The following ANXA8 variants were observed in gnomAD, a reference collection of about 807,000 sequenced individuals.
The protein encoded by ANXA8 is annexin A8.
A neutral mutation model predicts 26.8 loss-of-function variants in ANXA8; 9 were observed. The observed-to-expected ratio is 0.34, with a 90% confidence interval of 0.20 to 0.59. The LOEUF (loss-of-function observed/expected upper bound fraction) is 0.59, where lower values mean the gene tolerates loss of function less well. Among genes scored for constraint, ANXA8 ranks in the 20% least tolerant of loss-of-function variants. The pLI, the probability that ANXA8 is intolerant of heterozygous loss-of-function variation, is 0.84. For missense variants in ANXA8, 83 were observed against 238.5 expected, an observed-to-expected ratio of 0.35 and a Z score of 4.29; for synonymous variants, 39 against 94.8, an observed-to-expected ratio of 0.41 and a Z score of 3.42.
the ANXA8 span, among the ~76,000 whole-genome samples, chr10:47,694,886 A>G: frequency 6.6e-6 from 1 of 151,324 alleles, no homozygotes; most frequent in African/African-American, 2.4e-5. Flanking sequence ...GAGGCTTAAC[A>G]TTGGGAAACC....
the ANXA8 span, among the ~76,000 whole-genome samples, chr10:47,743,283 C>CACATATATATATATACAT: frequency 3.7e-5 from 3 of 81,976 alleles, 1 homozygote; most frequent in African/African-American, 1.3e-4. Context: ...TATATACACA[C>CACATATATATATATACAT]ATATATATAT....
the ANXA8 span, among the ~76,000 whole-genome samples, chr10:47,594,244 C>G: frequency 1.3e-5 from 2 of 149,950 alleles, no homozygotes; most frequent in African/African-American, 2.5e-5. Context: ...TACTTCGGTA[C>G]CTATAGAGAA....
chr10:47,623,990 A>G, the ANXA8 span, among the ~76,000 whole-genome samples: 2 of 98,470 alleles, frequency 2.0e-5, 1 homozygote, highest in African/African-American at 8.1e-5. Flanking sequence ...TGATTCCAGC[A>G]CTTTGGGAGG....
chr10:47,961,548 AGG>A, the ANXA8 span, among the ~76,000 whole-genome samples: 2 of 55,872 alleles, frequency 3.6e-5, no homozygotes, highest in African/African-American at 1.9e-4. Context: ...TGGCATTTTC[AGG>A]GTGGCAGGAG....
the ANXA8 span, among the ~76,000 whole-genome samples, chr10:47,509,056 T>C: frequency 2.6e-3 from 351 of 135,540 alleles, 38 homozygotes; most frequent in African/African-American, 9.9e-3. Flanking sequence ...TTTCTCAAAC[T>C]TGCTGGTGGC....
chr10:47,644,213 T>C, the ANXA8 span, among the ~76,000 whole-genome samples: 1 of 147,776 alleles, frequency 6.8e-6, no homozygotes, highest in African/African-American at 2.6e-5. Context: ...CAGGATACTC[T>C]ACCTGGAGAA....
the ANXA8 span, among the ~76,000 whole-genome samples, chr10:47,535,858 C>T: frequency 8.0e-5 from 2 of 24,930 alleles, no homozygotes; most frequent in African/African-American, 2.1e-4. Context: ...CGTTGTGTTC[C>T]GTCACTGTTC....
the ANXA8 span, among the ~76,000 whole-genome samples, chr10:47,659,847 C>T: frequency 6.6e-6 from 1 of 151,546 alleles, no homozygotes. Context: ...ACCTCCGCCT[C>T]CCAGGCTCAG....
chr10:47,483,862 C>T (rs1320625106), intron 1 of ANXA8, 51 bp downstream of exon 1: 1 of 1,611,624 alleles, frequency 6.2e-7, no homozygotes, highest in East Asian at 2.2e-5. Flanking sequence ...CCCTGGTGAC[C>T]AGCACCCAAC....
the ANXA8 span, among the ~76,000 whole-genome samples, chr10:47,490,024 G>A: frequency 4.0e-5 from 6 of 150,302 alleles, no homozygotes; most frequent in African/African-American, 1.5e-4. Flanking sequence ...GGCCTGGAAT[G>A]GCAATGAGCA....
the ANXA8 span, among the ~76,000 whole-genome samples, chr10:47,898,811 ATTTTTTTTTTTTT>A: frequency 3.0e-4 from 17 of 56,240 alleles, no homozygotes; most frequent in Admixed American, 4.7e-4. Context: ...AAGAGAATGG[ATTTTTTTTTTTTT>A]TTTTTTTTTT....
intron 1 of ANXA8, among the ~76,000 whole-genome samples, chr10:47,483,292 GCAGGTT>G (rs1839906298): frequency 7.2e-6 from 1 of 138,146 alleles, no homozygotes; most frequent in Non-Finnish European, 1.5e-5. Context: ...GTCCCCAACA[GCAGGTT>G]CAGGTTACTC....
At chr10:47,671,458 C>T in the ANXA8 span, among the ~76,000 whole-genome samples, 17 of 150,106 alleles carry the variant, frequency 1.1e-4, no homozygotes, top group African/African-American at 1.8e-4. Flanking sequence ...AAAACAAAAC[C>T]GACTATATTT....
At chr10:47,609,020 GA>G in the ANXA8 span, among the ~76,000 whole-genome samples, 1 of 87,716 alleles carries the variant, frequency 1.1e-5, no homozygotes, top group East Asian at 3.4e-4. Flanking sequence ...TGCTTACATG[GA>G]AATGCTGAGA....
At chr10:47,685,072 C>T in the ANXA8 span, among the ~76,000 whole-genome samples, 51 of 150,238 alleles carry the variant, frequency 3.4e-4, no homozygotes, top group South Asian at 9.0e-3. Flanking sequence ...TGCCACCCAG[C>T]GCGGTGGCTC....
the ANXA8 span, among the ~76,000 whole-genome samples, chr10:47,748,204 C>CT: frequency 1.1e-4 from 16 of 148,664 alleles, no homozygotes; most frequent in African/African-American, 2.2e-4. Context: ...GCACACTATA[C>CT]TTTTTTTTTA....
At chr10:47,565,673 C>T in the ANXA8 span, 7 of 397,014 alleles carry the variant, frequency 1.8e-5, no homozygotes, top group East Asian at 1.5e-4. Flanking sequence ...CGGCCAGCCC[C>T]GGAGCCTGGA....
chr10:47,943,066 GGGA>G, the ANXA8 span, among the ~76,000 whole-genome samples: 29 of 145,178 alleles, frequency 2.0e-4, 3 homozygotes, highest in Non-Finnish European at 1.5e-5. Context: ...TTTTGGACTT[GGGA>G]TCACACATTG....
the ANXA8 span, among the ~76,000 whole-genome samples, chr10:47,666,856 T>C: frequency 1.3e-5 from 2 of 152,038 alleles, no homozygotes; most frequent in African/African-American, 2.4e-5. Flanking sequence ...ATTTGGAATT[T>C]ACCTGCGGTT....
Sources: gnomAD v4.1 joint callset for allele counts (sites outside exome capture counted in the v4.1 genomes callset) on GRCh38, gnomAD v4.1.1 for gene constraint, MANE v1.5 for transcripts, NCBI Gene and HGNC (gene_info 2026-07-23, HGNC 2026-07-21) for gene names.